The following TRIM49 variants were observed in gnomAD, a reference collection of about 807,000 sequenced individuals.
The protein encoded by TRIM49 is tripartite motif-containing protein 49.
In TRIM49, 5 loss-of-function variants were observed where a neutral mutation model predicts 27.4. That is an observed-to-expected ratio of 0.18 (90% CI 0.10 to 0.38). The LOEUF (loss-of-function observed/expected upper bound fraction) is 0.38. TRIM49 is among the 10% of genes least tolerant of loss of function. The probability of loss-of-function intolerance (pLI) is 1.00; values close to 1 mark genes in which losing one functional copy is unlikely to be tolerated. For missense variants in TRIM49, 188 were observed against 487.5 expected (o/e 0.39, Z 5.79); for synonymous variants, 69 against 166.0 (o/e 0.42, Z 4.49).
chr11:89,796,136 T>C (rs1430957579), downstream of TRIM49, among the ~76,000 whole-genome samples: 1 of 152,018 alleles, frequency 6.6e-6, no homozygotes, highest in African/African-American at 2.4e-5. Flanking sequence ...AGCAAACATG[T>C]AGCTATCCCA....
the TRIM49 span, among the ~76,000 whole-genome samples, chr11:89,777,607 T>C: frequency 3.7e-3 from 558 of 148,930 alleles, no homozygotes; most frequent in African/African-American, 0.013. Context: ...TTAAAAACAT[T>C]GTTCAAACAT....
In TRIM49 at chr11:89,804,273, G is replaced by T. The variant is rs1949767129; in HGVS notation, c.197C>A (p.Thr66Asn). ...AGCCATCTTCTTCAAATGAATGTTG[G>T]TTTTGAGGTTTATCTGCTCGGTTGA... ...TKSTEQINLK[T>N]NIHLKKMASL... Residue 66 changes from threonine to asparagine, a missense_variant, in exon 3 of 8, where the codon ACC becomes AAC. Thr to Asn is a moderately conservative substitution (Grantham distance 65). Around this residue, in one of 6 missense-constraint regions of TRIM49, gnomAD observed 37 missense variants for 52.4 expected, o/e 0.71. Transcript: ENST00000329758. 2 of 1,612,012 alleles carry T rather than the reference G, an allele frequency of 1.2e-6. No homozygotes were observed. Among genetic ancestry groups the T allele is most frequent in the Non-Finnish European group, 1.7e-6 (2 of 1,179,240 alleles).
the TRIM49 span, chr11:89,777,824 A>T: frequency 2.0e-6 from 1 of 489,780 alleles, no homozygotes; most frequent in Non-Finnish European, 3.6e-6. Flanking sequence ...CTCTAACTTA[A>T]TTTATGTTTC....
the TRIM49 span, chr11:89,787,131 A>C: frequency 1.6e-5 from 3 of 185,152 alleles, no homozygotes; most frequent in Non-Finnish European, 3.3e-5. Context: ...CCGCTCCACG[A>C]GAGGGCGCAG....
the TRIM49 span, among the ~76,000 whole-genome samples, chr11:89,769,404 A>G: frequency 2.9e-5 from 4 of 136,950 alleles, 1 homozygote; most frequent in African/African-American, 1.0e-4. Flanking sequence ...CCGTTCATGG[A>G]GAGGAGTGTC....
At position 89,798,284 on chromosome 11, in the gene TRIM49, A is replaced by G; in HGVS notation, c.1205T>C (p.Ile402Thr). 1 of 1,578,418 alleles carries G rather than the reference A, an allele frequency of 6.3e-7. No homozygotes were observed. The highest frequency in any genetic ancestry group is 8.6e-7 in the Non-Finnish European group (1 of 1,168,020). ...FTTSPLMLQYIPKPTSRVGLF... is the reference protein window; with the variant it reads ...FTTSPLMLQYTPKPTSRVGLF... Reference sequence around the variant, plus strand: ...TCCTACTCGGCTGGTAGGTTTTGGGATATATTGCAGCATAAGTGGGGAGGT... The same window carrying G: ...TCCTACTCGGCTGGTAGGTTTTGGGGTATATTGCAGCATAAGTGGGGAGGT... The change falls in exon 8 of 8, where the codon ATC becomes ACC. Residue 402 changes from isoleucine to threonine, a missense_variant. By Grantham distance (89) the Ile-to-Thr change is moderately conservative. Around this residue, in one of 6 missense-constraint regions of TRIM49, gnomAD observed 94 missense variants for 149.6 expected, o/e 0.63. Transcript: ENST00000329758.
At chr11:89,768,411 G>C in the TRIM49 span, 6 of 658,590 alleles carry the variant, frequency 9.1e-6, 1 homozygote, top group Non-Finnish European at 1.5e-5. Flanking sequence ...TCCTAGGATG[G>C]GTTTGTGGCC....
chr11:89,800,652 G>A (rs1451688826), intron 6 of TRIM49, among the ~76,000 whole-genome samples: 5 of 150,220 alleles, frequency 3.3e-5, no homozygotes, highest in African/African-American at 5.0e-5. Flanking sequence ...CTGAGGCAGG[G>A]GAATGGTGTG....
downstream of TRIM49, among the ~76,000 whole-genome samples, chr11:89,793,182 G>A (rs1330115037): frequency 6.6e-6 from 1 of 152,126 alleles, no homozygotes; most frequent in Non-Finnish European, 1.5e-5. Flanking sequence ...GACTAAACCA[G>A]GAAGAAGTTG....
downstream of TRIM49, among the ~76,000 whole-genome samples, chr11:89,795,810 C>T (rs2134629123): frequency 6.6e-6 from 1 of 151,330 alleles, no homozygotes; most frequent in Middle Eastern, 3.4e-3. Flanking sequence ...GGGTGCAGCA[C>T]ACCAACATGG....
the TRIM49 span, among the ~76,000 whole-genome samples, chr11:89,784,666 A>G: frequency 2.1e-5 from 3 of 142,674 alleles, no homozygotes; most frequent in Admixed American, 6.8e-5. Flanking sequence ...TTTTCTGTTG[A>G]TGCTAGAACT....
At chr11:89,781,569 A>G in the TRIM49 span, among the ~76,000 whole-genome samples, 14,121 of 142,450 alleles carry the variant, frequency 0.099, 189 homozygotes, top group Admixed American at 0.23. Flanking sequence ...AAATAATACA[A>G]GAAGATTTTT....
chr11:89,774,939 A>G, the TRIM49 span, among the ~76,000 whole-genome samples: 1 of 149,318 alleles, frequency 6.7e-6, no homozygotes, highest in Non-Finnish European at 1.5e-5. Flanking sequence ...TGTTCACTAG[A>G]ATGTGGGCAT....
At position 89,801,043 on chromosome 11, in the gene TRIM49, A is replaced by G. The variant is rs1005542957; in HGVS notation, c.739-55T>C. Reference sequence around the variant, plus strand: ...GTGCATTTCACAAGATGCATCTTTCACTAAGTTCAGTGTGAGATTTGTACT... The same window carrying G: ...GTGCATTTCACAAGATGCATCTTTCGCTAAGTTCAGTGTGAGATTTGTACT... On this transcript the variant is annotated intron_variant, in intron 5 of 7. Coordinates refer to ENST00000329758, the MANE Select transcript of TRIM49 (RefSeq NM_020358.2). The G allele has an allele frequency of 2.5e-5, 23 of 903,468 alleles. 1 individual carries two copies. The African/African-American group carries it at 3.1e-4, about 12-fold the overall frequency. The allele number at this position is 903,468 out of a possible 1,614,324, so 56.0% of individuals were successfully genotyped here.
At chr11:89,805,387 C>T (rs4001899) in intron 2 of TRIM49, among the ~76,000 whole-genome samples, 1 of 149,884 alleles carries the variant, frequency 6.7e-6, no homozygotes, top group Non-Finnish European at 1.5e-5. Context: ...AGGAGAGAGA[C>T]ATGTGAGCTG....
chr11:89,801,064 G>C, intron 5 of TRIM49, 76 bp from the exon 6 acceptor site: 1 of 1,055,798 alleles, frequency 9.5e-7, no homozygotes, highest in Non-Finnish European at 1.4e-6. Context: ...TGTGAGATTT[G>C]TACTCAGTTT....
chr11:89,793,436 A>C (rs1334921238), downstream of TRIM49, among the ~76,000 whole-genome samples: 1 of 152,208 alleles, frequency 6.6e-6, no homozygotes, highest in Non-Finnish European at 1.5e-5. Flanking sequence ...ACAAAAAAAG[A>C]GAATTTTAGA....
At chr11:89,768,945 A>T in the TRIM49 span, 51 of 437,564 alleles carry the variant, frequency 1.2e-4, 5 homozygotes, top group Non-Finnish European at 2.2e-4. Context: ...TTGGGAGGCC[A>T]AGGTGGGTGG....
chr11:89,768,705 T>G, the TRIM49 span: 133 of 452,326 alleles, frequency 2.9e-4, 1 homozygote, highest in South Asian at 2.2e-3. Flanking sequence ...CACAATCACA[T>G]TGACACATTA....
Sources: gnomAD v4.1 joint callset for allele counts (sites outside exome capture counted in the v4.1 genomes callset) on GRCh38, gnomAD v4.1.1 for gene constraint, gnomAD v4.1.1 regional missense constraint, MANE v1.5 for transcripts, NCBI Gene and HGNC (gene_info 2026-07-23, HGNC 2026-07-21) for gene names.